Variants in KIRREL3 observed in about 807,000 individuals in gnomAD.
KIRREL3 encodes kin of IRRE-like protein 3.
KIRREL3 carries 36 observed loss-of-function variants against 89.7 expected under a neutral mutation model. The observed-to-expected ratio is 0.40, with a 90% confidence interval of 0.31 to 0.53. The LOEUF (loss-of-function observed/expected upper bound fraction) is 0.53, where lower values mean the gene tolerates loss of function less well. Among genes scored for constraint, KIRREL3 ranks in the 20% least tolerant of loss-of-function variants. The pLI is 0.49. For missense variants in KIRREL3, 864 were observed against 1,056.6 expected (o/e 0.82, Z 2.53); for synonymous variants, 445 against 441.4 (o/e 1.01, Z -0.10).
At chr11:126,440,370 G>T in intron 11 of KIRREL3, 79 bp downstream of exon 11, 1 of 1,276,640 alleles carries the variant, frequency 7.8e-7, no homozygotes, top group Non-Finnish European at 1.1e-6. Flanking sequence ...TGCACCGCCT[G>T]GCTGGCCACC....
chr11:126,615,070 A>T lies in KIRREL3; in HGVS notation c.56-52158T>A, dbSNP rs190236751. ...GGAAGAGGGATTGGAGTGATTTGAGATGCTCTGGGGGGCTGAACTCAGGTC... is the reference window on the plus strand; with the variant it reads ...GGAAGAGGGATTGGAGTGATTTGAGTTGCTCTGGGGGGCTGAACTCAGGTC... On this transcript the variant is annotated intron_variant, in intron 1 of 16. Coordinates refer to ENST00000525144, the MANE Select transcript of KIRREL3 (RefSeq NM_032531.4). This position sits in a 1 kb window ranked among gnomAD's most constrained non-coding sequence, Gnocchi z 5.4. Among the ~76,000 whole-genome samples, 265 of 152,126 alleles carry T rather than the reference A, an allele frequency of 1.7e-3. 2 individuals carry two copies. Among genetic ancestry groups the T allele is most frequent in the South Asian group, 7.7e-3 (37 of 4,814 alleles).
intron 1 of KIRREL3, among the ~76,000 whole-genome samples, chr11:126,731,780 G>A (rs10893558): frequency 1.3e-5 from 2 of 152,144 alleles, no homozygotes; most frequent in Non-Finnish European, 2.9e-5. Context: ...AATCACATGT[G>A]GTGGCTGCTG....
chr11:126,538,891 C>T (rs1428353500), intron 2 of KIRREL3, among the ~76,000 whole-genome samples: 2 of 152,118 alleles, frequency 1.3e-5, no homozygotes, highest in African/African-American at 2.4e-5. Flanking sequence ...ACACCATAAG[C>T]GTCAGAGTGA....
chr11:126,594,360 C>A lies in KIRREL3; in HGVS notation c.56-31448G>T, dbSNP rs681285. On this transcript the variant is annotated intron_variant, in intron 1 of 16. Transcript: ENST00000525144. This position sits in a 1 kb window ranked among gnomAD's most constrained non-coding sequence, Gnocchi z 5.0. ...ACCTGGATGAATTCCATCTCCCTCA[C>A]TGGACCAGAAGCTCCTCGAGGAAAC... 1.8e-4 allele frequency among the ~76,000 whole-genome samples: 27 copies of A among 152,090 alleles called. No individual in the cohort carries two copies. The highest frequency in any genetic ancestry group is 5.3e-4 in the African/African-American group (22 of 41,460).
rs946364338 is a variant in KIRREL3 at position 127,000,580 on chromosome 11, C to T, written c.-71G>A. On this transcript the variant is annotated 5_prime_UTR_variant, in exon 1 of 17. Transcript: ENST00000525144. The surrounding 1 kb of genome is among the most constrained non-coding windows in gnomAD (Gnocchi z 7.1). ...TTAGTTTCTCTTCCTTGGCGGCTCT[C>T]GGTGCTCAGCCTCCGCCGGTCCTCT... 15 of 1,510,310 alleles carry T rather than the reference C, an allele frequency of 9.9e-6. No individual in the cohort carries two copies. The highest frequency in any genetic ancestry group is 2.5e-5 in the East Asian group (1 of 40,528). 93.6% of individuals were successfully genotyped at this position (1,510,310 alleles called of 1,614,324 possible).
In KIRREL3 at chr11:126,867,217, G is replaced by C. The variant is rs775676616; in HGVS notation, c.55+133238C>G. ...TTGAGCAGCGGGGCATCTATGCAGCGAGCCACACTCCTATCACACAGCCTG... is the reference window on the plus strand; with the variant it reads ...TTGAGCAGCGGGGCATCTATGCAGCCAGCCACACTCCTATCACACAGCCTG... On this transcript the variant is annotated intron_variant, in intron 1 of 16. Coordinates refer to ENST00000525144, the MANE Select transcript of KIRREL3 (RefSeq NM_032531.4). This position sits in a 1 kb window ranked among gnomAD's most constrained non-coding sequence, Gnocchi z 4.7. Among the ~76,000 whole-genome samples the C allele has an allele frequency of 6.6e-6, 1 of 152,180 alleles. No homozygotes were observed. Among genetic ancestry groups the C allele is most frequent in the Non-Finnish European group, 1.5e-5 (1 of 68,032 alleles).
intron 2 of KIRREL3, among the ~76,000 whole-genome samples, chr11:126,536,790 A>G (rs502401): frequency 0.6 from 91,255 of 151,792 alleles, 27,997 homozygotes; most frequent in East Asian, 0.94. Context: ...GACTACAGGC[A>G]TGTGCCACTA....
chr11:126,709,061 G>A lies in KIRREL3; in HGVS notation c.56-146149C>T, dbSNP rs1947652939. Among the ~76,000 whole-genome samples, 1 of 152,192 alleles carries A rather than the reference G, an allele frequency of 6.6e-6. No homozygotes were observed. Among genetic ancestry groups the A allele is most frequent in the East Asian group, 1.9e-4 (1 of 5,192 alleles). ...ATCTTTCTAGAACACCAAGCTCAGC[G>A]TATCCCTTCTGATCAACAGAGAAGG... On this transcript the variant is annotated intron_variant, in intron 1 of 16. Transcript: ENST00000525144. This position sits in a 1 kb window ranked among gnomAD's most constrained non-coding sequence, Gnocchi z 4.0.
chr11:126,935,294 G>A (rs1388629460), intron 1 of KIRREL3: 1 of 150,088 alleles, frequency 6.7e-6, no homozygotes, highest in Non-Finnish European at 1.5e-5. Context: ...CAGCCACTTG[G>A]AAGACAGTGT....
chr11:126,556,592 G>T (rs1207540248), intron 2 of KIRREL3, among the ~76,000 whole-genome samples: 1 of 152,238 alleles, frequency 6.6e-6, no homozygotes, highest in African/African-American at 2.4e-5. Context: ...GAGCCACGAT[G>T]GTACCACTGC....
At chr11:126,861,121 A>G (rs1337299638) in intron 1 of KIRREL3, among the ~76,000 whole-genome samples, 1 of 152,184 alleles carries the variant, frequency 6.6e-6, no homozygotes, top group Non-Finnish European at 1.5e-5. Flanking sequence ...TACTAAGGAT[A>G]TTGTTCTTGA....
intron 1 of KIRREL3, among the ~76,000 whole-genome samples, chr11:126,895,346 C>T (rs867590492): frequency 3.1e-4 from 47 of 151,496 alleles, no homozygotes; most frequent in African/African-American, 1.0e-3. Context: ...ACCAGTAATC[C>T]CAGGTACTTG....
In KIRREL3 at chr11:126,997,641, A is replaced by T. The variant is rs140591671; in HGVS notation, c.55+2814T>A. ...GTTATAAGAAAAAGTAAAGGTAAAC[A>T]AACATTTGACAAATTAGGAAGAAAA... On this transcript the variant is annotated intron_variant, in intron 1 of 16. Transcript: ENST00000525144. This position sits in a 1 kb window ranked among gnomAD's most constrained non-coding sequence, Gnocchi z 4.3. Among the ~76,000 whole-genome samples the T allele has an allele frequency of 1.1e-3, 164 of 152,336 alleles. 1 individual carries two copies. The South Asian group carries it at 0.022, about 20-fold the overall frequency.
chr11:126,903,131 T>A lies in KIRREL3; in HGVS notation c.55+97324A>T, dbSNP rs988240635. 6.6e-6 allele frequency among the ~76,000 whole-genome samples: 1 copy of A among 152,208 alleles called. No individual in the cohort carries two copies. The highest frequency in any genetic ancestry group is 2.4e-5 in the African/African-American group (1 of 41,448). The stretch of plus-strand genomic sequence containing the variant: ...AAAAAGAATAGCTGTGGTAAAGCAC[T>A]CTCTCAGGCACAAATATGCTTCTGA... On this transcript the variant is annotated intron_variant, in intron 1 of 16. Transcript: ENST00000525144. This position sits in a 1 kb window ranked among gnomAD's most constrained non-coding sequence, Gnocchi z 4.5.
rs1945604581 is a variant in KIRREL3, at chr11:126,883,964, G to C, written c.55+116491C>G. Among the ~76,000 whole-genome samples, 1 of 152,188 alleles carries C rather than the reference G, an allele frequency of 6.6e-6. No homozygotes were observed. On this transcript the variant is annotated intron_variant, in intron 1 of 16. Transcript: ENST00000525144. This position sits in a 1 kb window ranked among gnomAD's most constrained non-coding sequence, Gnocchi z 4.1. ...AGCTTCTCAAAGACATGAGCCCCCTGTTCCTGCAGGTATTAAAGTGGAGGG... is the reference window on the plus strand; with the variant it reads ...AGCTTCTCAAAGACATGAGCCCCCTCTTCCTGCAGGTATTAAAGTGGAGGG...
At chr11:126,473,960 ATT>A (rs60920110) in intron 4 of KIRREL3, among the ~76,000 whole-genome samples, 145 of 145,824 alleles carry the variant, frequency 9.9e-4, no homozygotes, top group Middle Eastern at 3.5e-3. Context: ...TGCCCGGCTA[ATT>A]TTTTTTTTTT....
chr11:126,992,411 G>T (rs190179587), intron 1 of KIRREL3: 2 of 152,226 alleles, frequency 1.3e-5, no homozygotes, highest in African/African-American at 4.8e-5. Flanking sequence ...TTACATATCC[G>T]CAGTCATGGA....
At chr11:126,657,447 G>T (rs931326506) in intron 1 of KIRREL3, among the ~76,000 whole-genome samples, 1 of 152,176 alleles carries the variant, frequency 6.6e-6, no homozygotes, top group Admixed American at 6.5e-5. Context: ...TGGATCAGGA[G>T]AAACCTCCAT....
In KIRREL3 at chr11:126,429,116, C is replaced by T; in HGVS notation, c.1806+63G>A. 1 of 1,088,712 alleles carries T rather than the reference C, an allele frequency of 9.2e-7. No individual in the cohort carries two copies. The allele number at this position is 1,088,712 out of a possible 1,614,324, so 67.4% of individuals were successfully genotyped here. A position where few individuals can be genotyped will look rare whatever the true frequency, so the allele number is the denominator to read the frequency against. On this transcript the variant is annotated intron_variant, in intron 15 of 16. Coordinates refer to ENST00000525144, the MANE Select transcript of KIRREL3 (RefSeq NM_032531.4). The surrounding 1 kb of genome is among the most constrained non-coding windows in gnomAD (Gnocchi z 5.2). ...AAGCATCTAGTTCATTGAGAAGCCTCTAGTCCCAGGACCTTCTGGGAATGG... is the reference window on the plus strand; with the variant it reads ...AAGCATCTAGTTCATTGAGAAGCCTTTAGTCCCAGGACCTTCTGGGAATGG...
Sources: gnomAD v4.1 joint callset for allele counts (sites outside exome capture counted in the v4.1 genomes callset) on GRCh38, gnomAD v4.1.1 for gene constraint, Gnocchi (gnomAD v3.1) non-coding constraint, MANE v1.5 for transcripts, NCBI Gene and HGNC (gene_info 2026-07-23, HGNC 2026-07-21) for gene names.